SH2D4B: variants seen among roughly 807,000 people sequenced by gnomAD.
SH2D4B encodes the protein SH2 domain containing 4B.
Under a neutral mutation model 61.5 loss-of-function variants are expected in SH2D4B, and 45 were observed. That is an observed-to-expected ratio of 0.73 (90% CI 0.58 to 0.94). The LOEUF (loss-of-function observed/expected upper bound fraction) is 0.94, where lower values mean the gene tolerates loss of function less well. Ranked by LOEUF, SH2D4B falls within the 40% of genes least tolerant of loss-of-function variation. The pLI, the probability that SH2D4B is intolerant of heterozygous loss-of-function variation, is 0.00. For missense variants in SH2D4B, 572 were observed against 574.2 expected (o/e 1.00, Z 0.04); for synonymous variants, 224 against 220.4 (o/e 1.02, Z -0.14).
intron 4 of SH2D4B, among the ~76,000 whole-genome samples, chr10:80,592,638 A>C (rs767483017): frequency 1.3e-5 from 2 of 151,724 alleles, no homozygotes; most frequent in Non-Finnish European, 2.9e-5. Context: ...TTCTTTCTCC[A>C]TTGGATGGTA....
chr10:80,608,824 T>TTGAGGTTCTCCAGC (rs1346370564), intron 5 of SH2D4B, among the ~76,000 whole-genome samples: 1 of 152,144 alleles, frequency 6.6e-6, no homozygotes, highest in Non-Finnish European at 1.5e-5. Context: ...CCAGAGCAAA[T>TTGAGGTTCTCCAGC]TGAGGTTCTC....
chr10:80,538,383 G>A lies in SH2D4B; in HGVS notation c.52G>A (p.Glu18Lys), dbSNP rs1373205372. ...GTACATCGACCCCGAGCTCCTTGCC[G>A]AGCTCAGCGATGTGCAGAAGCACAT... ...DMYIDPELLA[E>K]LSDVQKHILF... Residue 18 changes from glutamate to lysine, a missense_variant, in exon 1 of 8, where the codon GAG (glutamate) becomes AAG (lysine). Glu to Lys is a moderately conservative substitution (Grantham distance 56). Transcript: ENST00000646907. The surrounding 1 kb of genome is among the most constrained non-coding windows in gnomAD (Gnocchi z 4.8). The A allele has an allele frequency of 9.8e-6, 14 of 1,422,412 alleles. No individual in the cohort carries two copies. Among genetic ancestry groups the A allele is most frequent in the Admixed American group, 3.2e-5 (1 of 31,482 alleles). 88.1% of individuals were successfully genotyped at this position (1,422,412 alleles called of 1,614,324 possible).
rs1381552445 is a variant in SH2D4B at position 80,634,515 on chromosome 10, A to G, written c.1209+10A>G. 3 of 1,548,426 alleles carry G rather than the reference A, an allele frequency of 1.9e-6. No individual in the cohort carries two copies. The East Asian group carries it at 7.3e-5, about 38-fold the overall frequency. On this transcript the variant is annotated intron_variant, in intron 7 of 7. Coordinates refer to ENST00000646907, the MANE Select transcript of SH2D4B (RefSeq NM_001388272.1). ...CGTTGATTTCCATAAGGTATCCCTCACAGGGATACTAATGGGGGGGAGGGG... is the reference window on the plus strand; with the variant it reads ...CGTTGATTTCCATAAGGTATCCCTCGCAGGGATACTAATGGGGGGGAGGGG...
At chr10:80,562,616 TTCATTTCCTCTGGATA>T (rs1489798643) in intron 1 of SH2D4B, among the ~76,000 whole-genome samples, 1 of 152,200 alleles carries the variant, frequency 6.6e-6, no homozygotes, top group Non-Finnish European at 1.5e-5. Flanking sequence ...GCATACGGAT[TTCATTTCCTCTGGATA>T]TTTATCCAGT....
At chr10:80,610,490 T>G (rs774283744) in intron 6 of SH2D4B, among the ~76,000 whole-genome samples, 16 of 152,184 alleles carry the variant, frequency 1.1e-4, no homozygotes, top group Non-Finnish European at 2.2e-4. Context: ...CCCTTGCTTC[T>G]CTGCATTGAA....
intron 1 of SH2D4B, among the ~76,000 whole-genome samples, chr10:80,551,091 T>C (rs1213096605): frequency 6.6e-6 from 1 of 152,250 alleles, no homozygotes; most frequent in African/African-American, 2.4e-5. Context: ...CTCACTCTGT[T>C]GCCCAGGCTG....
chr10:80,597,453 G>A (rs1400402260), intron 4 of SH2D4B, among the ~76,000 whole-genome samples: 1 of 152,076 alleles, frequency 6.6e-6, no homozygotes, highest in Non-Finnish European at 1.5e-5. Flanking sequence ...ATCACCTGAG[G>A]TCAGGAGTTT....
intron 1 of SH2D4B, among the ~76,000 whole-genome samples, chr10:80,548,410 C>T (rs1841709637): frequency 1.3e-5 from 2 of 152,122 alleles, no homozygotes; most frequent in East Asian, 1.9e-4. Flanking sequence ...ATAATCTGCC[C>T]ACCTCGGCCT....
intron 6 of SH2D4B, among the ~76,000 whole-genome samples, chr10:80,614,752 G>A (rs1338001581): frequency 6.6e-6 from 1 of 152,238 alleles, no homozygotes; most frequent in Non-Finnish European, 1.5e-5. Context: ...CCAAGCCACT[G>A]AAGTTTGCTC....
rs563166321 is a variant in SH2D4B, at chr10:80,584,905, C to T, written c.496-3725C>T. Among the ~76,000 whole-genome samples, 31 of 152,354 alleles carry T rather than the reference C, an allele frequency of 2.0e-4. No individual in the cohort carries two copies. In the Middle Eastern group the frequency reaches 0.014, roughly 67 times the overall value. On this transcript the variant is annotated intron_variant, in intron 3 of 7. Transcript: ENST00000646907. ...AAGGATTAGCAGCATTAATCAGACACATGGACGTAGCCAAGCAAAGGAACA... is the reference window on the plus strand; with the variant it reads ...AAGGATTAGCAGCATTAATCAGACATATGGACGTAGCCAAGCAAAGGAACA...
chr10:80,590,181 G>C (rs994898970), intron 4 of SH2D4B, among the ~76,000 whole-genome samples: 2 of 152,172 alleles, frequency 1.3e-5, no homozygotes, highest in African/African-American at 4.8e-5. Context: ...AGGGGAGGCA[G>C]GCTAGGCAGG....
chr10:80,578,616 T>C (rs1842152656), intron 3 of SH2D4B, among the ~76,000 whole-genome samples: 1 of 152,086 alleles, frequency 6.6e-6, no homozygotes, highest in African/African-American at 2.4e-5. Context: ...GACATACGCC[T>C]GGAAAGGAGG....
Position 80,538,750 on chromosome 10 carries a change from G to A in SH2D4B, c.184+235G>A, listed in dbSNP as rs902174384. On this transcript the variant is annotated intron_variant, in intron 1 of 7. Transcript: ENST00000646907. This position sits in a 1 kb window ranked among gnomAD's most constrained non-coding sequence, Gnocchi z 4.8. Reference sequence around the variant, plus strand: ...CTGTCCAGCGGCCCTTATTGGAGTCGGGGAGTTGGGACTTGCTTTGTCTTG... The same window carrying A: ...CTGTCCAGCGGCCCTTATTGGAGTCAGGGAGTTGGGACTTGCTTTGTCTTG... 6.6e-5 allele frequency among the ~76,000 whole-genome samples: 10 copies of A among 152,188 alleles called. No homozygotes were observed. Among genetic ancestry groups the A allele is most frequent in the African/African-American group, 1.9e-4 (8 of 41,446 alleles).
intron 5 of SH2D4B, 31 bp downstream of exon 5, chr10:80,603,826 G>A (rs761730111): frequency 1.3e-6 from 2 of 1,589,328 alleles, no homozygotes; most frequent in African/African-American, 2.7e-5. Context: ...GGTGTGGTTG[G>A]GGCAAGGGCC....
At chr10:80,570,345 G>T in intron 2 of SH2D4B, 29 bp downstream of exon 2, 1 of 1,609,346 alleles carries the variant, frequency 6.2e-7, no homozygotes, top group Non-Finnish European at 8.5e-7. Context: ...TGTTGGGTGG[G>T]GCCTAGGCAT....
chr10:80,637,546 A>G (rs1006762183), intron 7 of SH2D4B, among the ~76,000 whole-genome samples: 1 of 152,150 alleles, frequency 6.6e-6, no homozygotes, highest in African/African-American at 2.4e-5. Flanking sequence ...CTTTGTACCA[A>G]TTATGAATGG....
intron 4 of SH2D4B, among the ~76,000 whole-genome samples, chr10:80,589,037 T>G (rs1299467169): frequency 6.6e-6 from 1 of 151,980 alleles, no homozygotes; most frequent in African/African-American, 2.4e-5. Context: ...GAAGTCTTGC[T>G]CTGTCGCCTA....
chr10:80,571,765 C>CTTTTTTTT (rs368517502), intron 3 of SH2D4B, among the ~76,000 whole-genome samples, 187 bp downstream of exon 3: 1 of 143,336 alleles, frequency 7.0e-6, no homozygotes. Context: ...ACTTCTGTTT[C>CTTTTTTTT]TTTTTTTTTT....
chr10:80,633,109 G>GA (rs1314525622), intron 6 of SH2D4B, among the ~76,000 whole-genome samples: 2 of 151,916 alleles, frequency 1.3e-5, no homozygotes, highest in Non-Finnish European at 2.9e-5. Context: ...GATGGGAGGG[G>GA]AGCCTGACTG....
Sources: gnomAD v4.1 joint callset for allele counts (sites outside exome capture counted in the v4.1 genomes callset) on GRCh38, gnomAD v4.1.1 for gene constraint, Gnocchi (gnomAD v3.1) non-coding constraint, MANE v1.5 for transcripts, NCBI Gene and HGNC (gene_info 2026-07-23, HGNC 2026-07-21) for gene names.